Variants in ANKH observed in about 807,000 individuals in gnomAD.
ANKH encodes the protein ANKH inorganic pyrophosphate transport regulator, also known as mineralization regulator ANKH.
In ANKH, 15 loss-of-function variants were observed where a neutral mutation model predicts 49.0. The ratio of observed to expected loss-of-function variants is 0.31; its 90% CI spans 0.20 to 0.47. The LOEUF (loss-of-function observed/expected upper bound fraction) is 0.47, where lower values mean the gene tolerates loss of function less well. Among genes scored for constraint, ANKH ranks in the 20% least tolerant of loss-of-function variants. ANKH has a pLI of 1.00. For synonymous variants in ANKH, 273 were observed against 260.0 expected (o/e 1.05, Z -0.48); for missense variants, 429 against 652.0 (o/e 0.66, Z 3.72).
chr5:14,789,738 A>C (rs918858070), intron 1 of ANKH, among the ~76,000 whole-genome samples: 8 of 152,100 alleles, frequency 5.3e-5, no homozygotes, highest in Non-Finnish European at 1.0e-4. Flanking sequence ...TCTCGACAGG[A>C]TCTCACTCTG....
At chr5:14,817,826 G>A (rs1379447009) in intron 1 of ANKH, among the ~76,000 whole-genome samples, 1 of 152,072 alleles carries the variant, frequency 6.6e-6, no homozygotes, top group African/African-American at 2.4e-5. Context: ...TAATGTAAAA[G>A]CTAATGCAAA....
chr5:14,785,017 G>A (rs561285956), intron 1 of ANKH, among the ~76,000 whole-genome samples: 9 of 152,292 alleles, frequency 5.9e-5, no homozygotes, highest in South Asian at 2.1e-4. Flanking sequence ...TCAATCTGCC[G>A]CGTGCGGTGG....
At chr5:14,733,465 G>A (rs1738068619) in intron 8 of ANKH, among the ~76,000 whole-genome samples, 1 of 152,198 alleles carries the variant, frequency 6.6e-6, no homozygotes, top group South Asian at 2.1e-4. Context: ...ACCCAGGCCT[G>A]GGAGAGGGAA....
chr5:14,853,072 T>C (rs1177995446), intron 1 of ANKH, among the ~76,000 whole-genome samples: 2 of 152,216 alleles, frequency 1.3e-5, no homozygotes, highest in Non-Finnish European at 2.9e-5. Flanking sequence ...GAGGATGTTT[T>C]AGTTTAAAAC....
At chr5:14,785,370 C>T (rs371532818) in intron 1 of ANKH, among the ~76,000 whole-genome samples, 3 of 152,102 alleles carry the variant, frequency 2.0e-5, no homozygotes, top group South Asian at 4.1e-4. Flanking sequence ...TGAGTTCTTG[C>T]TCAATTCATG....
At chr5:14,723,075 A>G (rs1737718251) in intron 8 of ANKH, among the ~76,000 whole-genome samples, 1 of 152,076 alleles carries the variant, frequency 6.6e-6, no homozygotes. Flanking sequence ...AAAAACAAGG[A>G]AAGTCTAAAA....
Position 14,813,436 on chromosome 5 carries a change from G to A in ANKH, c.97-44245C>T, listed in dbSNP as rs117131193. On this transcript the variant is annotated intron_variant, in intron 1 of 11. Transcript: ENST00000284268. ...CCACAGAGAAATGTTAAGTTCCAAT[G>A]GCTCTTAAAGAGTTATTTTGACCAA... 5.3e-4 allele frequency among the ~76,000 whole-genome samples: 80 copies of A among 152,182 alleles called. No individual in the cohort carries two copies. In the East Asian group the frequency reaches 0.014, roughly 28 times the overall value.
rs1247298669 is a variant in ANKH at position 14,737,635 on chromosome 5, C to G, written c.1011+4192G>C. ...GCATGGCGAGGCTGCGACGCAGTCT[C>G]CTTTGCGTGGCTGCAACCCTGCACG... On this transcript the variant is annotated intron_variant, in intron 8 of 11. Coordinates refer to ENST00000284268, the MANE Select transcript of ANKH (RefSeq NM_054027.6). This position sits in a 1 kb window ranked among gnomAD's most constrained non-coding sequence, Gnocchi z 5.0. 6.6e-6 allele frequency among the ~76,000 whole-genome samples: 1 copy of G among 152,242 alleles called. No individual in the cohort carries two copies. The highest frequency in any genetic ancestry group is 1.5e-5 in the Non-Finnish European group (1 of 68,036).
chr5:14,802,571 A>T (rs980174816), intron 1 of ANKH, among the ~76,000 whole-genome samples: 3 of 151,662 alleles, frequency 2.0e-5, no homozygotes, highest in African/African-American at 7.3e-5. Flanking sequence ...CCTTGGCCAA[A>T]TCTCTGTCTC....
chr5:14,709,787 G>A lies in ANKH; in HGVS notation c.*1410C>T, dbSNP rs1737090050. The A allele has an allele frequency of 1.3e-5, 2 of 152,544 alleles. No homozygotes were observed. The highest frequency in any genetic ancestry group is 6.5e-5 in the Admixed American group (1 of 15,276). 9.4% of individuals were successfully genotyped at this position (152,544 alleles called of 1,614,324 possible). On this transcript the variant is annotated 3_prime_UTR_variant, in exon 12 of 12. Transcript: ENST00000284268. The stretch of plus-strand genomic sequence containing the variant: ...ATTGATACAATACGTTTCAACTGCA[G>A]GTATGTTGAGCACACAAGCAATCAC...
At chr5:14,763,886 CGAGA>C (rs1739173501) in intron 2 of ANKH, among the ~76,000 whole-genome samples, 1 of 151,882 alleles carries the variant, frequency 6.6e-6, no homozygotes, top group African/African-American at 2.4e-5. Flanking sequence ...GTCTGGAGTT[CGAGA>C]CCAGCCTGGC....
intron 8 of ANKH, among the ~76,000 whole-genome samples, chr5:14,722,722 C>T (rs1207216507): frequency 6.6e-6 from 1 of 152,154 alleles, no homozygotes; most frequent in Non-Finnish European, 1.5e-5. Flanking sequence ...ATGTCCTGCA[C>T]AGAACTCTAA....
chr5:14,865,454 T>C (rs950951536), intron 1 of ANKH, among the ~76,000 whole-genome samples: 4 of 152,232 alleles, frequency 2.6e-5, no homozygotes, highest in Non-Finnish European at 4.4e-5. Context: ...AAATTTATTC[T>C]GTTACTACAG....
At chr5:14,802,237 A>G (rs1269370216) in intron 1 of ANKH, among the ~76,000 whole-genome samples, 2 of 151,904 alleles carry the variant, frequency 1.3e-5, no homozygotes, top group African/African-American at 4.8e-5. Context: ...CTGTTCCTTC[A>G]ATGCTCCATT....
At chr5:14,715,010 C>T (rs1440355646) in intron 9 of ANKH, among the ~76,000 whole-genome samples, 8 of 152,370 alleles carry the variant, frequency 5.3e-5, no homozygotes, top group South Asian at 2.1e-4. Context: ...GATGCCATCC[C>T]GGTGCTGTGA....
At chr5:14,836,145 A>T (rs1289390677) in intron 1 of ANKH, among the ~76,000 whole-genome samples, 1 of 152,112 alleles carries the variant, frequency 6.6e-6, no homozygotes, top group Non-Finnish European at 1.5e-5. Context: ...TTTATGACAA[A>T]CCCACAGCCA....
At position 14,708,488 on chromosome 5, in the gene ANKH, C is replaced by T. The variant is rs1418746982; in HGVS notation, c.*2709G>A. On this transcript the variant is annotated 3_prime_UTR_variant, in exon 12 of 12. Coordinates refer to ENST00000284268, the MANE Select transcript of ANKH (RefSeq NM_054027.6). ...GGAATGTTTCTTTGGTCACAAAAGT[C>T]AAAAAGTTGCCCCAATGACTCTGAA... The T allele has an allele frequency of 6.6e-6, 1 of 152,142 alleles. No individual in the cohort carries two copies. The highest frequency in any genetic ancestry group is 1.5e-5 in the Non-Finnish European group (1 of 68,008). 9.4% of individuals were successfully genotyped at this position (152,142 alleles called of 1,614,324 possible). A position where few individuals can be genotyped will look rare whatever the true frequency, so the allele number is the denominator to read the frequency against.
chr5:14,871,168 A>T, intron 1 of ANKH, 184 bp downstream of exon 1: 2 of 681,052 alleles, frequency 2.9e-6, no homozygotes, highest in Admixed American at 4.1e-5. Flanking sequence ...AGTCTGCTGA[A>T]TAATTGAGGG....
intron 6 of ANKH, among the ~76,000 whole-genome samples, chr5:14,748,264 A>T (rs1290037935): frequency 6.6e-6 from 1 of 152,198 alleles, no homozygotes; most frequent in Non-Finnish European, 1.5e-5. Flanking sequence ...GAAGCAAGAG[A>T]AAGCGTTCTG....
Sources: gnomAD v4.1 joint callset for allele counts (sites outside exome capture counted in the v4.1 genomes callset) on GRCh38, gnomAD v4.1.1 for gene constraint, Gnocchi (gnomAD v3.1) non-coding constraint, MANE v1.5 for transcripts, NCBI Gene and HGNC (gene_info 2026-07-23, HGNC 2026-07-21) for gene names.